Variants in MACROD2 observed in about 807,000 individuals in gnomAD.
MACROD2 encodes the protein ADP-ribose glycohydrolase MACROD2.
Under a neutral mutation model 70.4 loss-of-function variants are expected in MACROD2, and 36 were observed. The observed-to-expected ratio is 0.51, with a 90% confidence interval of 0.39 to 0.68. MACROD2 has a LOEUF of 0.68. MACROD2 is among the 30% of genes least tolerant of loss of function. MACROD2 has a pLI of 0.00. For synonymous variants in MACROD2, 172 were observed against 178.8 expected, an observed-to-expected ratio of 0.96 and a Z score of 0.30; for missense variants, 496 against 538.4, an observed-to-expected ratio of 0.92 and a Z score of 0.78.
intron 4 of MACROD2, among the ~76,000 whole-genome samples, chr20:14,519,343 A>C (rs2085138977): frequency 6.6e-6 from 1 of 152,192 alleles, no homozygotes; most frequent in Admixed American, 6.5e-5. Context: ...GTAGGGAATA[A>C]GATCAGAATG....
chr20:14,878,107 C>T (rs1483324915), intron 5 of MACROD2, among the ~76,000 whole-genome samples: 6 of 152,076 alleles, frequency 3.9e-5, no homozygotes, highest in Non-Finnish European at 7.4e-5. Context: ...ATCTTTCATT[C>T]ATCAAAGAGA....
chr20:14,470,741 C>T (rs2084519949), intron 3 of MACROD2, among the ~76,000 whole-genome samples: 1 of 152,154 alleles, frequency 6.6e-6, no homozygotes, highest in Non-Finnish European at 1.5e-5. Flanking sequence ...AAACTGCCTA[C>T]TCAAGCGTCA....
intron 5 of MACROD2, among the ~76,000 whole-genome samples, chr20:14,859,064 G>T (rs964075517): frequency 2.0e-5 from 3 of 151,968 alleles, no homozygotes; most frequent in Non-Finnish European, 4.4e-5. Context: ...AATGGACTCT[G>T]GGGACTCAAG....
chr20:15,713,718 G>T (rs1271130241), intron 8 of MACROD2, among the ~76,000 whole-genome samples: 1 of 152,126 alleles, frequency 6.6e-6, no homozygotes, highest in East Asian at 1.9e-4. Context: ...TTCAGCATGA[G>T]ATTTGGGTGG....
At chr20:15,383,846 A>G (rs1341129923) in intron 6 of MACROD2, among the ~76,000 whole-genome samples, 1 of 152,194 alleles carries the variant, frequency 6.6e-6, no homozygotes, top group African/African-American at 2.4e-5. Context: ...CCATAATCCA[A>G]ATCCATTCCC....
At chr20:15,212,553 C>A (rs185039455) in intron 5 of MACROD2, among the ~76,000 whole-genome samples, 1 of 152,080 alleles carries the variant, frequency 6.6e-6, no homozygotes, top group African/African-American at 2.4e-5. Flanking sequence ...TTAGTGTGTG[C>A]GACAACAGGG....
intron 5 of MACROD2, among the ~76,000 whole-genome samples, chr20:14,819,080 C>T (rs924980869): frequency 1.3e-5 from 2 of 151,556 alleles, no homozygotes; most frequent in Non-Finnish European, 2.9e-5. Flanking sequence ...GCCTGGCCAA[C>T]ATGATGAAAC....
intron 9 of MACROD2, among the ~76,000 whole-genome samples, chr20:15,876,714 G>T (rs2064679806): frequency 6.6e-6 from 1 of 152,128 alleles, no homozygotes; most frequent in Non-Finnish European, 1.5e-5. Context: ...GGTTGAACTA[G>T]TTTACAGTCC....
chr20:15,446,037 G>T (rs1245423741), intron 7 of MACROD2, among the ~76,000 whole-genome samples: 1 of 152,182 alleles, frequency 6.6e-6, no homozygotes, highest in Non-Finnish European at 1.5e-5. Context: ...GAAAGGATTT[G>T]AATTGAGGCT....
chr20:14,229,806 C>T (rs1002756625), intron 3 of MACROD2, among the ~76,000 whole-genome samples: 5 of 152,248 alleles, frequency 3.3e-5, no homozygotes, highest in South Asian at 4.2e-4. Flanking sequence ...ACCAAGATGT[C>T]CTTCAGTGGA....
intron 4 of MACROD2, among the ~76,000 whole-genome samples, chr20:14,580,441 GAAA>G (rs11467360): frequency 2.3e-4 from 35 of 151,580 alleles, no homozygotes; most frequent in African/African-American, 2.7e-4. Context: ...CCCGTTGCCT[GAAA>G]AAAAAAAAAT....
chr20:15,390,904 T>A (rs6043249), intron 6 of MACROD2, among the ~76,000 whole-genome samples: 4,580 of 152,310 alleles, frequency 0.03, 154 homozygotes, highest in African/African-American at 0.082. Flanking sequence ...GTGAGAGTTC[T>A]CCATCACACT....
chr20:15,267,573 A>G (rs921935619), intron 6 of MACROD2, among the ~76,000 whole-genome samples: 7 of 152,184 alleles, frequency 4.6e-5, no homozygotes, highest in African/African-American at 1.7e-4. Context: ...TCAGACATTC[A>G]CTAAGCATGC....
At chr20:15,533,759 G>A (rs895220415) in intron 8 of MACROD2, among the ~76,000 whole-genome samples, 4 of 152,210 alleles carry the variant, frequency 2.6e-5, no homozygotes, top group Non-Finnish European at 4.4e-5. Context: ...GAAAGTGATA[G>A]TGTGGTCCTG....
chr20:14,532,378 C>T lies in MACROD2; in HGVS notation c.301+38870C>T, dbSNP rs576700713. ...GACTACAGGCGCCCGCCACCATGCC[C>T]GGCTAATTTTTTTTTTTTTTTTATT... On this transcript the variant is annotated intron_variant, in intron 4 of 17. Transcript: ENST00000684519. Among the ~76,000 whole-genome samples, 38 of 149,320 alleles carry T rather than the reference C, an allele frequency of 2.5e-4. 1 individual carries two copies. Among genetic ancestry groups the T allele is most frequent in the African/African-American group, 8.4e-4 (34 of 40,618 alleles).
At chr20:15,838,369 A>G (rs1201413756) in intron 8 of MACROD2, among the ~76,000 whole-genome samples, 4 of 152,174 alleles carry the variant, frequency 2.6e-5, no homozygotes, top group Non-Finnish European at 5.9e-5. Flanking sequence ...CAAAATGTTT[A>G]ATGTTTCCAT....
At chr20:14,138,152 T>C (rs2054824364) in intron 3 of MACROD2, among the ~76,000 whole-genome samples, 2 of 152,182 alleles carry the variant, frequency 1.3e-5, no homozygotes, top group Admixed American at 1.3e-4. Flanking sequence ...TACATTGTTG[T>C]TGGGAATGTA....
chr20:14,029,993 G>A (rs1311521456), intron 2 of MACROD2, among the ~76,000 whole-genome samples: 1 of 152,180 alleles, frequency 6.6e-6, no homozygotes, highest in African/African-American at 2.4e-5. Flanking sequence ...CACAGTGGGA[G>A]GAGGGAGCTA....
At chr20:15,324,814 T>C (rs988577459) in intron 6 of MACROD2, among the ~76,000 whole-genome samples, 6 of 152,160 alleles carry the variant, frequency 3.9e-5, no homozygotes, top group Non-Finnish European at 5.9e-5. Flanking sequence ...ACCTATTAGC[T>C]AAATCCCTGG....
Sources: allele counts gnomAD v4.1 joint callset (sites outside exome capture counted in the v4.1 genomes callset), GRCh38; gene constraint gnomAD v4.1.1; transcripts MANE v1.5; gene names NCBI Gene and HGNC (gene_info 2026-07-23, HGNC 2026-07-21).